IRS4: variants seen among roughly 807,000 people sequenced by gnomAD.
IRS4 encodes 160 kDa phosphotyrosine protein.
IRS4 carries 15 observed loss-of-function variants against 48.6 expected under a neutral mutation model. That is an observed-to-expected ratio of 0.31 (90% CI 0.21 to 0.48). IRS4 has a LOEUF of 0.48. IRS4 is among the 20% of genes least tolerant of loss of function. The pLI, the probability that IRS4 is intolerant of heterozygous loss-of-function variation, is 0.99. For missense variants in IRS4, 987 were observed against 1,023.4 expected (o/e 0.96, Z 0.49); for synonymous variants, 459 against 413.2 (o/e 1.11, Z -1.34).
At chrX:108,724,626 C>CG (rs1227211788) in intron 1 of IRS4, 2 of 111,374 alleles carry the variant, frequency 1.8e-5, no homozygotes, top group Non-Finnish European at 3.8e-5. Flanking sequence ...GAAAGCAATT[C>CG]GAGATTAAAA....
intron 1 of IRS4, among the ~76,000 whole-genome samples, chrX:108,729,358 C>A (rs1300859026): frequency 9.2e-6 from 1 of 108,895 alleles, no homozygotes; most frequent in Non-Finnish European, 1.9e-5. Context: ...GATTCTCTCA[C>A]CCCTCCTAGA....
intron 1 of IRS4, 83 bp downstream of exon 1, chrX:108,732,496 T>C: frequency 7.5e-6 from 9 of 1,198,172 alleles, no homozygotes; most frequent in Non-Finnish European, 1.0e-5. Flanking sequence ...TGAAATAGTA[T>C]CCCTAACACT....
intron 1 of IRS4, among the ~76,000 whole-genome samples, chrX:108,731,567 C>T (rs1157883087): frequency 9.0e-6 from 1 of 111,284 alleles, no homozygotes; most frequent in Non-Finnish European, 1.9e-5. Flanking sequence ...GTCTTGTTTC[C>T]AAGTCTGACA....
rs1355655276 is a variant in IRS4, at chrX:108,722,265, C to T, written c.*254G>A. ...AAAGGGACAGACTGGGGAGGAAAAC[C>T]AGAAAACAAAAAACAAAGCACAGTG... is the stretch of plus-strand genomic sequence containing the variant. On this transcript the variant is annotated 3_prime_UTR_variant, in exon 2 of 2. Transcript: ENST00000372129. 3 of 153,381 alleles carry T rather than the reference C, an allele frequency of 2.0e-5. No homozygotes were observed. The highest frequency in any genetic ancestry group is 3.9e-5 in the Non-Finnish European group (3 of 77,497). 12.6% of individuals were successfully genotyped at this position (153,381 alleles called of 1,213,427 possible).
rs2068916883 is a variant in IRS4, at chrX:108,733,106, T to C, written c.3239A>G (p.Gln1080Arg). The stretch of plus-strand genomic sequence containing the variant: ...ACGGCTTTGTGGGCGTCTTCTCTCC[T>C]GCTCTTCTTCCTGCAGCAGCCTAGC... ...PVARLLQEEE[Q>R]ERRRPQSRSQ... The change falls in exon 1 of 2, where the codon CAG (glutamine) becomes CGG (arginine). Residue 1080 changes from glutamine to arginine, a missense_variant. Physicochemically the swap from Gln to Arg is conservative, Grantham distance 43 (BLOSUM62 1). Transcript: ENST00000372129. The C allele has an allele frequency of 4.1e-6, 5 of 1,210,082 alleles. No individual in the cohort carries two copies. The highest frequency in any genetic ancestry group is 4.5e-6 in the Non-Finnish European group (4 of 895,157).
chrX:108,720,522 T>C lies in IRS4; in HGVS notation c.*1997A>G, dbSNP rs1285567203. Reference sequence around the variant, plus strand: ...CAACTGTTACATCTGTGCTGTACCCTCTGTACCCTGTCTGCTGGCAGCTTC... The same window carrying C: ...CAACTGTTACATCTGTGCTGTACCCCCTGTACCCTGTCTGCTGGCAGCTTC... On this transcript the variant is annotated 3_prime_UTR_variant, in exon 2 of 2. Transcript: ENST00000372129. 1 of 112,138 alleles carries C rather than the reference T, an allele frequency of 8.9e-6. No homozygotes were observed. Among genetic ancestry groups the C allele is most frequent in the African/African-American group, 3.2e-5 (1 of 30,840 alleles). The allele number at this position is 112,138 out of a possible 1,213,427, so 9.2% of individuals were successfully genotyped here.
chrX:108,734,438 G>A lies in IRS4; in HGVS notation c.1907C>T (p.Pro636Leu), dbSNP rs147837017. The A allele has an allele frequency of 7.0e-5, 85 of 1,209,773 alleles. No individual in the cohort carries two copies. Among genetic ancestry groups the A allele is most frequent in the Non-Finnish European group, 8.6e-5 (77 of 895,084 alleles). ...ACCAGTTCCTCCAGCTGGTGGGGGTGGAGGAGGAGGTGGTGGAGGTGGTGG... is the reference window on the plus strand; with the variant it reads ...ACCAGTTCCTCCAGCTGGTGGGGGTAGAGGAGGAGGTGGTGGAGGTGGTGG... The part of the protein sequence containing the change: ...QMPPPPPPPP[P>L]PPPAGGTGGK... The change falls in exon 1 of 2, where the codon CCA (proline) becomes CTA (leucine). Residue 636 changes from proline to leucine, a missense_variant. Pro to Leu is a moderately conservative substitution (Grantham distance 98). This residue lies in a region of IRS4 where 720 missense variants were observed against 660.3 expected (regional missense o/e 1.09). Coordinates refer to ENST00000372129, the MANE Select transcript of IRS4 (RefSeq NM_001379150.1).
intron 1 of IRS4, among the ~76,000 whole-genome samples, chrX:108,730,801 A>T (rs2148015718): frequency 8.9e-6 from 1 of 112,177 alleles, no homozygotes; most frequent in East Asian, 2.8e-4. Flanking sequence ...CCTCTATGAA[A>T]ACTGGTCCTT....
rs2068858127 is a variant in IRS4, at chrX:108,722,132, A to G, written c.*387T>C. On this transcript the variant is annotated 3_prime_UTR_variant, in exon 2 of 2. Coordinates refer to ENST00000372129, the MANE Select transcript of IRS4 (RefSeq NM_001379150.1). The stretch of plus-strand genomic sequence containing the variant: ...CTTCAAAATTGAATCTAAATATTTT[A>G]CATTATTAAAATTGGCATTGACCAA... The G allele has an allele frequency of 8.9e-6, 1 of 112,544 alleles. No homozygotes were observed. Among genetic ancestry groups the G allele is most frequent in the African/African-American group, 3.2e-5 (1 of 30,947 alleles). The allele number at this position is 112,544 out of a possible 1,213,427, so 9.3% of individuals were successfully genotyped here.
chrX:108,722,798 T>C (rs2068860399), intron 1 of IRS4: 1 of 159,827 alleles, frequency 6.3e-6, no homozygotes. Context: ...TCTTTGCACG[T>C]GCGTGCACTG....
At chrX:108,722,983 T>C (rs1454820569) in intron 1 of IRS4, 1 of 113,025 alleles carries the variant, frequency 8.8e-6, no homozygotes, top group Non-Finnish European at 1.9e-5. Flanking sequence ...GAATTTCTTC[T>C]AATAGAACAA....
rs918967720 is a variant in IRS4 at position 108,720,690 on chromosome X, G to A, written c.*1829C>T. The stretch of plus-strand genomic sequence containing the variant: ...TGAAAAAAAGTTGCCTAAAGAGCGC[G>A]TTGTTATAATGAACAAAAGCCACAC... On this transcript the variant is annotated 3_prime_UTR_variant, in exon 2 of 2. Coordinates refer to ENST00000372129, the MANE Select transcript of IRS4 (RefSeq NM_001379150.1). 1.8e-5 allele frequency: 2 copies of A among 111,613 alleles called. No individual in the cohort carries two copies. Among genetic ancestry groups the A allele is most frequent in the African/African-American group, 6.5e-5 (2 of 30,673 alleles). 9.2% of individuals were successfully genotyped at this position (111,613 alleles called of 1,213,427 possible). A position where few individuals can be genotyped will look rare whatever the true frequency, so the allele number is the denominator to read the frequency against.
At position 108,735,494 on chromosome X, in the gene IRS4, C is replaced by A; in HGVS notation, c.851G>T (p.Arg284Leu). The A allele has an allele frequency of 8.3e-7, 1 of 1,210,873 alleles. No homozygotes were observed. Among genetic ancestry groups the A allele is most frequent in the Non-Finnish European group, 1.1e-6 (1 of 895,351 alleles). The change falls in exon 1 of 2, where the codon CGC (arginine) becomes CTC (leucine). Residue 284 changes from arginine (R) to leucine (L), a missense_variant. This residue lies in a region of IRS4 where 20 missense variants were observed against 53.9 expected (regional missense o/e 0.37). Coordinates refer to ENST00000372129, the MANE Select transcript of IRS4 (RefSeq NM_001379150.1). ...SVVVQLLSIR[R>L]CGHSEQYFFL... ...GAAATACTGCTCCGAGTGTCCACAG[C>A]GACGGATGCTCAGGAGCTGGACGAC...
rs1441417916 is a variant in IRS4, at chrX:108,736,281, C to CTG, written c.63_64insCA (p.Ala22GlnfsTer6). 4 of 1,168,198 alleles carry CTG rather than the reference C, an allele frequency of 3.4e-6. No homozygotes were observed. The highest frequency in any genetic ancestry group is 3.8e-5 in the South Asian group (2 of 52,418). On this transcript the variant is annotated frameshift_variant, in exon 1 of 2. Coordinates refer to ENST00000372129, the MANE Select transcript of IRS4 (RefSeq NM_001379150.1). LOFTEE classifies it high-confidence loss of function. ...ACCACTGCTGCTAGAGCTGCCGCTG[C>CTG]CGCCGCTGCTGCACCTCTTAGTCTT...
Position 108,736,558 on chromosome X carries a change from C to A in IRS4, c.-214G>T, listed in dbSNP as rs754703942. ...CGGCCGCTGCGGATCCTGCTACCGG[C>A]GCAATGGAGGGGCGCGAGCGGCCAC... On this transcript the variant is annotated 5_prime_UTR_variant, in exon 1 of 2. Transcript: ENST00000372129. 8.7e-4 allele frequency: 512 copies of A among 591,375 alleles called. 3 individuals are homozygous for A. The highest frequency in any genetic ancestry group is 2.1e-4 in the South Asian group (7 of 33,399). 48.7% of individuals were successfully genotyped at this position (591,375 alleles called of 1,213,427 possible).
intron 1 of IRS4, chrX:108,724,057 C>T (rs1321497919): frequency 8.9e-6 from 1 of 112,108 alleles, no homozygotes; most frequent in Non-Finnish European, 1.9e-5. Context: ...TTCATATGTC[C>T]ATATATAGCA....
intron 1 of IRS4, chrX:108,723,305 G>C (rs1255045147): frequency 8.9e-6 from 1 of 111,995 alleles, no homozygotes; most frequent in Non-Finnish European, 1.9e-5. Context: ...GTACAAGATT[G>C]TCTATTAAAC....
chrX:108,728,314 T>A (rs1476707496), intron 1 of IRS4, among the ~76,000 whole-genome samples: 1 of 112,388 alleles, frequency 8.9e-6, no homozygotes, highest in African/African-American at 3.2e-5. Context: ...TCCACAGTTA[T>A]AATGCTCTGA....
rs746510289 is a variant in IRS4 at position 108,733,698 on chromosome X, T to C, written c.2647A>G (p.Lys883Glu). The C allele has an allele frequency of 1.7e-6, 2 of 1,212,065 alleles. No individual in the cohort carries two copies. The highest frequency in any genetic ancestry group is 4.3e-5 in the Admixed American group (2 of 46,084). ...PSKPSDHEPP[K>E]NKAKRPNRLS... is the part of the protein sequence containing the mutation. ...CGGTTAGGTCTCTTAGCTTTATTCT[T>C]TGGGGGCTCATGATCTGAAGGCTTT... The change falls in exon 1 of 2, where the codon AAG becomes GAG. Residue 883 changes from lysine (K) to glutamate (E), a missense_variant. Lys to Glu is a moderately conservative substitution (Grantham distance 56). Coordinates refer to ENST00000372129, the MANE Select transcript of IRS4 (RefSeq NM_001379150.1).
Sources: allele counts gnomAD v4.1 joint callset (sites outside exome capture counted in the v4.1 genomes callset), GRCh38; gene constraint gnomAD v4.1.1; regional missense constraint gnomAD v4.1.1; transcripts MANE v1.5; gene names NCBI Gene and HGNC (gene_info 2026-07-23, HGNC 2026-07-21).